Variants in SDK1 observed in about 807,000 individuals in gnomAD.
The protein encoded by SDK1 is protein sidekick-1.
Under a neutral mutation model 245.5 loss-of-function variants are expected in SDK1, and 157 were observed. The ratio of observed to expected loss-of-function variants is 0.64; its 90% CI spans 0.56 to 0.73. The LOEUF is 0.73. Ranked by LOEUF, SDK1 falls within the 30% of genes least tolerant of loss-of-function variation. The probability of loss-of-function intolerance (pLI) is 0.00; values close to 1 mark genes in which losing one functional copy is unlikely to be tolerated. For missense variants in SDK1, 3,583 were observed against 3,002.3 expected (o/e 1.19, Z -4.52); for synonymous variants, 1,647 against 1,278.5 (o/e 1.29, Z -6.15).
chr7:4,087,136 A>G (rs1339591698), intron 22 of SDK1, among the ~76,000 whole-genome samples: 1 of 152,122 alleles, frequency 6.6e-6, no homozygotes, highest in Non-Finnish European at 1.5e-5. Context: ...TTCTAAAGGA[A>G]CCCAACCAAT....
At chr7:3,845,835 G>T (rs1165438802) in intron 5 of SDK1, among the ~76,000 whole-genome samples, 3 of 152,078 alleles carry the variant, frequency 2.0e-5, no homozygotes, top group African/African-American at 7.2e-5. Context: ...TAAATTACTG[G>T]TACATTTAGA....
At chr7:3,819,789 C>A (rs904132135) in intron 4 of SDK1, among the ~76,000 whole-genome samples, 1 of 152,070 alleles carries the variant, frequency 6.6e-6, no homozygotes, top group Non-Finnish European at 1.5e-5. Flanking sequence ...TAAGCAATAA[C>A]TTCTTAAGAT....
intron 5 of SDK1, among the ~76,000 whole-genome samples, chr7:3,835,353 G>C (rs1441883355): frequency 6.6e-6 from 1 of 152,152 alleles, no homozygotes; most frequent in Non-Finnish European, 1.5e-5. Flanking sequence ...CTTTGTCTCA[G>C]TCTTACTCAT....
chr7:3,301,544 G>C lies in SDK1; in HGVS notation c.-43G>C. 2.7e-6 allele frequency: 2 copies of C among 730,318 alleles called. No individual in the cohort carries two copies. The highest frequency in any genetic ancestry group is 3.3e-6 in the Non-Finnish European group (2 of 600,958). The allele number at this position is 730,318 out of a possible 1,614,324, so 45.2% of individuals were successfully genotyped here. On this transcript the variant is annotated 5_prime_UTR_variant, in exon 1 of 45. Transcript: ENST00000404826. ...CGGAGCCGTCCCGCCTGTCCTGCCC[G>C]CCCGTCCGTCCGGCGCGGCGCTCGG...
intron 5 of SDK1, among the ~76,000 whole-genome samples, chr7:3,902,902 AAC>A (rs1214594936): frequency 6.6e-6 from 1 of 152,216 alleles, no homozygotes; most frequent in African/African-American, 2.4e-5. Flanking sequence ...CATTGTCCAT[AAC>A]ACATAAAGAA....
At chr7:3,880,407 C>T (rs1408654628) in intron 5 of SDK1, among the ~76,000 whole-genome samples, 2 of 152,128 alleles carry the variant, frequency 1.3e-5, no homozygotes, top group African/African-American at 4.8e-5. Flanking sequence ...CAGCACGGGG[C>T]GGGGGCCTTG....
intron 5 of SDK1, among the ~76,000 whole-genome samples, chr7:3,889,643 G>A (rs989728844): frequency 2.0e-5 from 3 of 152,174 alleles, no homozygotes; most frequent in Admixed American, 6.5e-5. Flanking sequence ...AAGTAGCTGG[G>A]ACTACAGGTG....
intron 33 of SDK1, 46 bp from the exon 34 acceptor site, chr7:4,175,729 G>C (rs377168763): frequency 6.6e-7 from 1 of 1,519,230 alleles, no homozygotes; most frequent in Non-Finnish European, 9.1e-7. Context: ...TGCGATGGCC[G>C]TGTCCCTGCG....
intron 22 of SDK1, among the ~76,000 whole-genome samples, chr7:4,088,373 C>G (rs1362080267): frequency 6.6e-6 from 1 of 152,158 alleles, no homozygotes; most frequent in Non-Finnish European, 1.5e-5. Flanking sequence ...AAAGCGTCTT[C>G]TATCATATCG....
At chr7:4,060,587 A>G (rs993232819) in intron 19 of SDK1, among the ~76,000 whole-genome samples, 124 of 152,124 alleles carry the variant, frequency 8.2e-4, no homozygotes, top group African/African-American at 2.9e-3. Context: ...CCCATTGTGT[A>G]GGTTGCCTGT....
chr7:3,878,770 C>CT (rs565103346), intron 5 of SDK1, among the ~76,000 whole-genome samples: 19 of 151,946 alleles, frequency 1.3e-4, no homozygotes, highest in Non-Finnish European at 2.5e-4. Flanking sequence ...AAATAATCAT[C>CT]TTTTTTTTAA....
chr7:3,587,862 G>C (rs941279330), intron 1 of SDK1, among the ~76,000 whole-genome samples: 1 of 152,232 alleles, frequency 6.6e-6, no homozygotes, highest in African/African-American at 2.4e-5. Context: ...GCAGGGGCCA[G>C]ATCTTCTCCT....
intron 1 of SDK1, among the ~76,000 whole-genome samples, chr7:3,444,210 G>A (rs764429461): frequency 1.3e-4 from 20 of 152,114 alleles, no homozygotes; most frequent in Non-Finnish European, 2.4e-4. Flanking sequence ...CCAGCTGTTG[G>A]CCTTCTTCTT....
At chr7:4,126,343 T>C (rs1396857158) in intron 25 of SDK1, among the ~76,000 whole-genome samples, 2 of 152,262 alleles carry the variant, frequency 1.3e-5, no homozygotes, top group Non-Finnish European at 2.9e-5. Context: ...ATACATATTA[T>C]ATCTGAATCA....
At chr7:4,050,288 T>G (rs1789352441) in intron 18 of SDK1, among the ~76,000 whole-genome samples, 2 of 152,234 alleles carry the variant, frequency 1.3e-5, no homozygotes, top group African/African-American at 4.8e-5. Context: ...ACTAAAACAC[T>G]GATTTGTCTG....
At position 4,241,743 on chromosome 7, in the gene SDK1, G is replaced by A. The variant is rs376235768; in HGVS notation, c.6131-50G>A. ...GCCAGCTCTGGCTTGGCGTGGCTGC[G>A]GTGGCCACACCAGTAACACGTCTGT... On this transcript the variant is annotated intron_variant, in intron 42 of 44. Coordinates refer to ENST00000404826, the MANE Select transcript of SDK1 (RefSeq NM_152744.4). 165 of 1,609,864 alleles carry A rather than the reference G, an allele frequency of 1.0e-4. 1 individual carries two copies. Among genetic ancestry groups the A allele is most frequent in the Non-Finnish European group, 1.2e-4 (146 of 1,177,652 alleles).
At chr7:4,214,389 G>A (rs866362882) in intron 38 of SDK1, among the ~76,000 whole-genome samples, 28 of 152,240 alleles carry the variant, frequency 1.8e-4, no homozygotes, top group African/African-American at 6.0e-4. Flanking sequence ...AACCGTTTTC[G>A]CCTCTTTTCA....
At chr7:3,334,492 G>T (rs529606887) in intron 1 of SDK1, among the ~76,000 whole-genome samples, 4 of 152,172 alleles carry the variant, frequency 2.6e-5, no homozygotes, top group Non-Finnish European at 5.9e-5. Context: ...GCACAGGCAG[G>T]AGTCAGCAAG....
At chr7:3,577,617 T>A (rs992816596) in intron 1 of SDK1, among the ~76,000 whole-genome samples, 4 of 152,072 alleles carry the variant, frequency 2.6e-5, no homozygotes, top group African/African-American at 9.7e-5. Flanking sequence ...CTTCTGCTCT[T>A]TATTGAACCT....
Sources: gnomAD v4.1 joint callset for allele counts (sites outside exome capture counted in the v4.1 genomes callset) on GRCh38, gnomAD v4.1.1 for gene constraint, MANE v1.5 for transcripts, NCBI Gene and HGNC (gene_info 2026-07-23, HGNC 2026-07-21) for gene names.